Variants in BRICD5 observed in about 807,000 individuals in gnomAD.
BRICD5 encodes the protein BRICHOS domain-containing protein 5.
BRICD5 carries 51 observed loss-of-function variants against 28.4 expected under a neutral mutation model. The ratio of observed to expected loss-of-function variants is 1.80; its 90% CI spans 1.43 to 2.27. BRICD5 has a LOEUF of 2.27. Ranked by LOEUF, BRICD5 falls within the 30% of genes most tolerant of loss-of-function variation. BRICD5 has a pLI of 0.00. For missense variants in BRICD5, 456 were observed against 309.6 expected (o/e 1.47, Z -3.55); for synonymous variants, 177 against 130.2 (o/e 1.36, Z -2.44).
chr16:2,209,509 C>G (rs780214490), intron 5 of BRICD5, 44 bp downstream of exon 5: 1 of 1,612,900 alleles, frequency 6.2e-7, no homozygotes, highest in Admixed American at 1.7e-5. Flanking sequence ...GCTCCTCAAA[C>G]CATCCCGAGG....
At chr16:2,209,530 C>G (rs770767454) in intron 5 of BRICD5, 23 bp downstream of exon 5, 1 of 1,612,392 alleles carries the variant, frequency 6.2e-7, no homozygotes, top group East Asian at 2.2e-5. Flanking sequence ...GCCTGGCCTT[C>G]CCCCACAGCG....
Position 2,210,578 on chromosome 16 carries a change from CCAGCACCAGCAG to C in BRICD5, c.112_123del (p.Leu38_Leu41del), listed in dbSNP as rs756543359. Reference sequence around the variant, plus strand: ...CCTCCAGCCACAACCCCCACAGCGGCCAGCACCAGCAGCAGCAGCAGCAGGAGCAGGCTCACG... The same window carrying C: ...CCTCCAGCCACAACCCCCACAGCGGCCAGCAGCAGCAGGAGCAGGCTCACG... On this transcript the variant is annotated inframe_deletion, in exon 2 of 6. Transcript: ENST00000328540. 5.6e-6 allele frequency: 9 copies of C among 1,612,098 alleles called. No individual in the cohort carries two copies. The highest frequency in any genetic ancestry group is 7.6e-6 in the Non-Finnish European group (9 of 1,179,508).
chr16:2,209,794 T>C (rs2093364736), intron 4 of BRICD5, 88 bp from the exon 5 acceptor site: 1 of 1,434,262 alleles, frequency 7.0e-7, no homozygotes, highest in Non-Finnish European at 9.5e-7. Context: ...CCCCCAGTGA[T>C]GTCCCCACCC....
rs1398367820 is a variant in BRICD5 at position 2,210,141 on chromosome 16, C to T, written c.321G>A (p.Leu107=). 1.9e-6 allele frequency: 3 copies of T among 1,609,040 alleles called. No individual in the cohort carries two copies. Among genetic ancestry groups the T allele is most frequent in the South Asian group, 1.1e-5 (1 of 90,462 alleles). ...GCCCACTCACGCTCTGCCCGTCGAA[C>T]AGCACCGCCCAGCTGTGGTTGCTCT... ...PPQSNHSWAV[L]FDGQSGCICY... Residue 107 remains leucine, a synonymous_variant, in exon 3 of 6, where the codon CTG becomes CTA. Transcript: ENST00000328540.
intron 2 of BRICD5, 115 bp from the exon 3 acceptor site, chr16:2,210,396 C>T: frequency 6.5e-7 from 1 of 1,534,132 alleles, no homozygotes; most frequent in South Asian, 1.3e-5. Flanking sequence ...CCTTGGTCCT[C>T]TGGCTGTCTG....
At chr16:2,209,859 A>G in intron 4 of BRICD5, 91 bp downstream of exon 4, 2 of 1,404,182 alleles carry the variant, frequency 1.4e-6, no homozygotes, top group Non-Finnish European at 1.9e-6. Flanking sequence ...TGTTCCCTGA[A>G]ACCACAGCTC....
rs2093357800 is a variant in BRICD5 at position 2,209,253 on chromosome 16, G to A, written c.*109C>T. On this transcript the variant is annotated 3_prime_UTR_variant, in exon 6 of 6. Coordinates refer to ENST00000328540, the MANE Select transcript of BRICD5 (RefSeq NM_182563.4). ...GTCCATAGAGAACACCACCACCATGGCCAGGTGGAAGGGTTTATTAGTCCC... is the reference window on the plus strand; with the variant it reads ...GTCCATAGAGAACACCACCACCATGACCAGGTGGAAGGGTTTATTAGTCCC... 1.9e-6 allele frequency: 2 copies of A among 1,032,642 alleles called. No individual in the cohort carries two copies. Among genetic ancestry groups the A allele is most frequent in the African/African-American group, 1.6e-5 (1 of 62,940 alleles). The allele number at this position is 1,032,642 out of a possible 1,614,324, so 64.0% of individuals were successfully genotyped here.
Position 2,210,037 on chromosome 16 carries a change from G to C in BRICD5, c.351C>G (p.Tyr117Ter), listed in dbSNP as rs939767964. The change falls in exon 4 of 6, where the codon TAC becomes TAG. Residue 117 changes from tyrosine to a stop codon, truncating the protein, a stop_gained. Coordinates refer to ENST00000328540, the MANE Select transcript of BRICD5 (RefSeq NM_182563.4). LOFTEE classifies it high-confidence loss of function. ...AGCAGACCTGGTGCTCCTCAGGGCGGTAACAGATGCAGCCCTGGGGAGGCA... is the reference window on the plus strand; with the variant it reads ...AGCAGACCTGGTGCTCCTCAGGGCGCTAACAGATGCAGCCCTGGGGAGGCA... Reference protein sequence around the residue: ...LFDGQSGCICYRPEEHQVCFL... With the variant: ...LFDGQSGCIC 2 of 1,593,480 alleles carry C rather than the reference G, an allele frequency of 1.3e-6. No individual in the cohort carries two copies. Among genetic ancestry groups the C allele is most frequent in the Admixed American group, 1.7e-5 (1 of 58,616 alleles).
rs2093358276 is a variant in BRICD5, at chr16:2,209,295, C to G, written c.*67G>C. 2 of 1,415,494 alleles carry G rather than the reference C, an allele frequency of 1.4e-6. No homozygotes were observed. The highest frequency in any genetic ancestry group is 1.7e-5 in the Admixed American group (1 of 57,284). 87.7% of individuals were successfully genotyped at this position (1,415,494 alleles called of 1,614,324 possible). On this transcript the variant is annotated 3_prime_UTR_variant, in exon 6 of 6. Coordinates refer to ENST00000328540, the MANE Select transcript of BRICD5 (RefSeq NM_182563.4). ...ATTAGTCCCTGCCAGCAGCTGTCCT[C>G]CCTGGTGCAGGTGGCCTGGCCAGCC...
At chr16:2,210,690 A>T (rs1329492211) in intron 1 of BRICD5, 40 bp from the exon 2 acceptor site, 1 of 1,610,772 alleles carries the variant, frequency 6.2e-7, no homozygotes, top group African/African-American at 1.3e-5. Flanking sequence ...TGAGGGTTAG[A>T]CATCAGGGAG....
In BRICD5 at chr16:2,210,473, C is replaced by T. The variant is rs375635855; in HGVS notation, c.180+49G>A. Reference sequence around the variant, plus strand: ...CTGGAGGCTGGGATATGCCAGCTTCCCTTCTCCCTTTCCACTGTCCATGTC... The same window carrying T: ...CTGGAGGCTGGGATATGCCAGCTTCTCTTCTCCCTTTCCACTGTCCATGTC... On this transcript the variant is annotated intron_variant, in intron 2 of 5. Transcript: ENST00000328540. The T allele has an allele frequency of 6.4e-5, 100 of 1,556,288 alleles. 1 individual carries two copies. The African/African-American group carries it at 9.0e-4, about 14-fold the overall frequency.
Position 2,209,700 on chromosome 16 carries a change from C to T in BRICD5, c.445G>A (p.Glu149Lys), listed in dbSNP as rs1355209279. 5 of 1,609,788 alleles carry T rather than the reference C, an allele frequency of 3.1e-6. No individual in the cohort carries two copies. Among genetic ancestry groups the T allele is most frequent in the South Asian group, 2.2e-5 (2 of 90,794 alleles). Residue 149 changes from glutamate to lysine, a missense_variant, in exon 5 of 6, where the codon GAG becomes AAG. Physicochemically the swap from Glu to Lys is moderately conservative, Grantham distance 56. Coordinates refer to ENST00000328540, the MANE Select transcript of BRICD5 (RefSeq NM_182563.4). ...GTGTCCTGGCTGGGGACCCAAGCCT[C>T]TTGGACCTGTTGAGAAGGCTCTGGT... ...RLLVDTSKVQEAWVPSQDTHH... is the reference protein window; with the variant it reads ...RLLVDTSKVQKAWVPSQDTHH...
Position 2,209,948 on chromosome 16 carries a change from A to C in BRICD5, c.438+2T>G. On this transcript the variant is annotated splice_donor_variant, in intron 4 of 5. Coordinates refer to ENST00000328540, the MANE Select transcript of BRICD5 (RefSeq NM_182563.4). LOFTEE classifies it high-confidence loss of function. ...GGGCCTGCGCCCAGCAGGACGGCTCACCTTGGAGGTATCCACCAGCAGCCG... is the reference window on the plus strand; with the variant it reads ...GGGCCTGCGCCCAGCAGGACGGCTCCCCTTGGAGGTATCCACCAGCAGCCG... 1 of 1,518,244 alleles carries C rather than the reference A, an allele frequency of 6.6e-7. No individual in the cohort carries two copies. Among genetic ancestry groups the C allele is most frequent in the Non-Finnish European group, 8.8e-7 (1 of 1,132,280 alleles). The allele number at this position is 1,518,244 out of a possible 1,614,324, so 94.0% of individuals were successfully genotyped here.
chr16:2,209,373 G>C lies in BRICD5; in HGVS notation c.676C>G (p.Leu226Val), dbSNP rs1008313244. Residue 226 changes from leucine (L) to valine (V), a missense_variant, in exon 6 of 6, where the codon CTC becomes GTC. Physicochemically the swap from Leu to Val is conservative, Grantham distance 32. Coordinates refer to ENST00000328540, the MANE Select transcript of BRICD5 (RefSeq NM_182563.4). Reference protein sequence around the residue: ...NICVSVCFYYLPD With the variant: ...NICVSVCFYYVPD ...GCCAGGTCGGGGGCTCAGTCTGGGA[G>C]GTAATAAAAGCAGACCGACACGCAG... is the stretch of plus-strand genomic sequence containing the variant. 6.2e-7 allele frequency: 1 copy of C among 1,612,746 alleles called. No homozygotes were observed. Among genetic ancestry groups the C allele is most frequent in the Non-Finnish European group, 8.5e-7 (1 of 1,179,232 alleles).
At position 2,210,041 on chromosome 16, in the gene BRICD5, C is replaced by A; in HGVS notation, c.347G>T (p.Cys116Phe). The A allele has an allele frequency of 6.3e-7, 1 of 1,594,464 alleles. No homozygotes were observed. Among genetic ancestry groups the A allele is most frequent in the South Asian group, 1.1e-5 (1 of 89,376 alleles). Residue 116 changes from cysteine to phenylalanine, a missense_variant, in exon 4 of 6, where the codon TGT becomes TTT. Physicochemically the swap from Cys to Phe is radical, Grantham distance 205 (BLOSUM62 -2). Coordinates refer to ENST00000328540, the MANE Select transcript of BRICD5 (RefSeq NM_182563.4). ...VLFDGQSGCI[C>F]YRPEEHQVCF... ...GACCTGGTGCTCCTCAGGGCGGTAACAGATGCAGCCCTGGGGAGGCAGGGG... is the reference window on the plus strand; with the variant it reads ...GACCTGGTGCTCCTCAGGGCGGTAAAAGATGCAGCCCTGGGGAGGCAGGGG...
At chr16:2,209,907 G>C in intron 4 of BRICD5, 43 bp downstream of exon 4, 3 of 1,472,842 alleles carry the variant, frequency 2.0e-6, no homozygotes, top group Non-Finnish European at 2.7e-6. Flanking sequence ...AGGACCCTTT[G>C]TCTAGCCCCT....
In BRICD5 at chr16:2,209,336, G is replaced by T; in HGVS notation, c.*26C>A. 2.5e-6 allele frequency: 4 copies of T among 1,594,460 alleles called. No individual in the cohort carries two copies. Among genetic ancestry groups the T allele is most frequent in the Admixed American group, 1.7e-5 (1 of 59,542 alleles). The stretch of plus-strand genomic sequence containing the variant: ...CTGGCCAGCCCACTGGATTGGGGAC[G>T]GGCCAGGCTGGGCCAGGTCGGGGGC... On this transcript the variant is annotated 3_prime_UTR_variant, in exon 6 of 6. Coordinates refer to ENST00000328540, the MANE Select transcript of BRICD5 (RefSeq NM_182563.4).
At chr16:2,209,799 C>G in intron 4 of BRICD5, 93 bp from the exon 5 acceptor site, 1 of 1,424,064 alleles carries the variant, frequency 7.0e-7, no homozygotes, top group Non-Finnish European at 9.5e-7. Context: ...AGTGATGTCC[C>G]CACCCTCAGC....
rs561967169 is a variant in BRICD5 at position 2,209,422 on chromosome 16, G to T, written c.627C>A (p.Ile209=). 2.5e-6 allele frequency: 4 copies of T among 1,613,790 alleles called. No homozygotes were observed. The highest frequency in any genetic ancestry group is 1.6e-4 in the Middle Eastern group (1 of 6,062). ...PRRQRLIYLC[I]DICFPSNICV... Reference sequence around the variant, plus strand: ...AGATGTTGCTCGGGAAGCAGATGTCGATGCAGAGATAAATCAGCCGCTGTC... The same window carrying T: ...AGATGTTGCTCGGGAAGCAGATGTCTATGCAGAGATAAATCAGCCGCTGTC... The change falls in exon 6 of 6, where the codon ATC becomes ATA. Residue 209 remains isoleucine (I), a synonymous_variant. Transcript: ENST00000328540.
Sources: allele counts gnomAD v4.1 joint callset, GRCh38; gene constraint gnomAD v4.1.1; transcripts MANE v1.5; gene names NCBI Gene and HGNC (gene_info 2026-07-23, HGNC 2026-07-21).